The following SOX5 variants were observed in gnomAD, a reference collection of about 807,000 sequenced individuals.
SOX5 encodes SRY-box transcription factor 5, also known as transcription factor SOX-5.
In SOX5, 9 loss-of-function variants were observed where a neutral mutation model predicts 92.0. That is an observed-to-expected ratio of 0.10 (90% CI 0.06 to 0.17). The LOEUF (loss-of-function observed/expected upper bound fraction) is 0.17. Among genes scored for constraint, SOX5 ranks in the 10% least tolerant of loss-of-function variants. The probability of loss-of-function intolerance (pLI) is 1.00; values close to 1 mark genes in which losing one functional copy is unlikely to be tolerated. For missense variants in SOX5, 642 were observed against 944.5 expected, an observed-to-expected ratio of 0.68 and a Z score of 4.20; for synonymous variants, 344 against 336.3, an observed-to-expected ratio of 1.02 and a Z score of -0.25.
chr12:23,851,625 C>G (rs2136178995), intron 2 of SOX5, among the ~76,000 whole-genome samples: 1 of 152,004 alleles, frequency 6.6e-6, no homozygotes, highest in East Asian at 1.9e-4. Context: ...AAAGCCTTTC[C>G]TTTTGTCTGA....
intron 1 of SOX5, among the ~76,000 whole-genome samples, chr12:24,511,432 C>T (rs1355446552): frequency 1.3e-5 from 2 of 152,170 alleles, no homozygotes; most frequent in Non-Finnish European, 2.9e-5. Flanking sequence ...TGATCAAGAA[C>T]TGTCCATAAA....
At chr12:23,810,766 G>C (rs906754560) in intron 3 of SOX5, among the ~76,000 whole-genome samples, 4 of 151,648 alleles carry the variant, frequency 2.6e-5, no homozygotes, top group Non-Finnish European at 4.4e-5. Context: ...TTCCTTCCTT[G>C]TCCAAGGTCT....
At chr12:24,173,888 T>C (rs764124291) in intron 4 of SOX5, among the ~76,000 whole-genome samples, 15 of 152,172 alleles carry the variant, frequency 9.9e-5, no homozygotes, top group Non-Finnish European at 2.1e-4. Context: ...AAAGCAATGT[T>C]TCCCTGGGAG....
At chr12:23,611,353 C>CGT (rs569434819) in intron 8 of SOX5, among the ~76,000 whole-genome samples, 55 of 140,350 alleles carry the variant, frequency 3.9e-4, no homozygotes, top group Admixed American at 1.5e-3. Flanking sequence ...AGTATTCCAT[C>CGT]GTGTGTGTGT....
chr12:23,766,186 T>A (rs1420104496), intron 3 of SOX5, among the ~76,000 whole-genome samples: 1 of 152,218 alleles, frequency 6.6e-6, no homozygotes, highest in Non-Finnish European at 1.5e-5. Flanking sequence ...TTAAACCTGC[T>A]ATAAAAATTT....
At chr12:23,979,707 G>GTTGTTGTTTTTTTTT (rs1949333613) in intron 4 of SOX5, among the ~76,000 whole-genome samples, 7 of 77,472 alleles carry the variant, frequency 9.0e-5, no homozygotes, top group African/African-American at 3.9e-4. Context: ...TGTTTTTTTT[G>GTTGTTGTTTTTTTTT]TTTTTTTTTT....
At chr12:23,864,169 G>A (rs573669579) in intron 2 of SOX5, among the ~76,000 whole-genome samples, 2 of 152,014 alleles carry the variant, frequency 1.3e-5, no homozygotes, top group Non-Finnish European at 2.9e-5. Context: ...TATTGTAATT[G>A]TTTTGGAGCA....
intron 4 of SOX5, among the ~76,000 whole-genome samples, chr12:23,745,207 A>T (rs2141062326): frequency 6.6e-6 from 1 of 152,280 alleles, no homozygotes; most frequent in Non-Finnish European, 1.5e-5. Flanking sequence ...ATACTGTTGT[A>T]CTGACTTAGA....
chr12:23,934,449 C>T (rs1569106304), intron 1 of SOX5, among the ~76,000 whole-genome samples: 1 of 148,636 alleles, frequency 6.7e-6, no homozygotes, highest in African/African-American at 2.5e-5. Context: ...TATACACATA[C>T]ATGATGTATA....
intron 4 of SOX5, among the ~76,000 whole-genome samples, chr12:24,205,228 A>G (rs1325515113): frequency 6.6e-6 from 1 of 152,218 alleles, no homozygotes; most frequent in Admixed American, 6.5e-5. Context: ...ACACTTTTGA[A>G]GTAGACACCA....
chr12:24,325,195 A>T (rs529168310), intron 2 of SOX5, among the ~76,000 whole-genome samples: 3 of 152,236 alleles, frequency 2.0e-5, no homozygotes, highest in Admixed American at 2.0e-4. Context: ...TTAACTGAAC[A>T]TAATAGAAAG....
At chr12:24,072,319 C>A (rs896455184) in intron 4 of SOX5, among the ~76,000 whole-genome samples, 2 of 151,958 alleles carry the variant, frequency 1.3e-5, no homozygotes, top group African/African-American at 4.8e-5. Flanking sequence ...AATGTGTGCT[C>A]CTAAAAGAAA....
intron 10 of SOX5, among the ~76,000 whole-genome samples, chr12:23,567,401 A>C (rs1947315268): frequency 6.6e-6 from 1 of 152,068 alleles, no homozygotes; most frequent in African/African-American, 2.4e-5. Context: ...TGGGTTAGAA[A>C]TCATTAATGT....
At chr12:23,874,692 A>G (rs2096908626) in intron 2 of SOX5, among the ~76,000 whole-genome samples, 1 of 152,202 alleles carries the variant, frequency 6.6e-6, no homozygotes, top group African/African-American at 2.4e-5. Context: ...TCCAAGAGGC[A>G]CAGGATGAGG....
chr12:23,783,700 CTTTT>C (rs2095325664), intron 3 of SOX5, among the ~76,000 whole-genome samples: 2 of 152,210 alleles, frequency 1.3e-5, no homozygotes, highest in East Asian at 1.9e-4. Context: ...TTTTTCTTTT[CTTTT>C]TGTCTTTACT....
intron 4 of SOX5, among the ~76,000 whole-genome samples, chr12:24,171,246 C>G (rs1954112389): frequency 9.6e-6 from 1 of 103,922 alleles, no homozygotes; most frequent in African/African-American, 4.0e-5. Context: ...TTTTTGGAGA[C>G]AGAGTCTCGC....
chr12:24,390,250 T>C (rs945540363), intron 1 of SOX5, among the ~76,000 whole-genome samples: 4 of 152,206 alleles, frequency 2.6e-5, no homozygotes, highest in African/African-American at 9.6e-5. Flanking sequence ...GGATACATTT[T>C]ACTGGGTGAT....
At chr12:23,737,549 C>T (rs1567348141) in intron 5 of SOX5, among the ~76,000 whole-genome samples, 2 of 151,996 alleles carry the variant, frequency 1.3e-5, no homozygotes, top group Non-Finnish European at 2.9e-5. Context: ...CAAACATATA[C>T]ATATATATAT....
intron 1 of SOX5, among the ~76,000 whole-genome samples, chr12:24,414,155 AT>A (rs954345124): frequency 3.7e-4 from 56 of 151,990 alleles, no homozygotes; most frequent in Admixed American, 7.9e-4. Context: ...AAATCCATTA[AT>A]TTTTTTTCTT....
Sources: allele counts gnomAD v4.1 joint callset (sites outside exome capture counted in the v4.1 genomes callset), GRCh38; gene constraint gnomAD v4.1.1; transcripts MANE v1.5; gene names NCBI Gene and HGNC (gene_info 2026-07-23, HGNC 2026-07-21).